MAP4K3: variants seen among roughly 807,000 people sequenced by gnomAD.
The protein encoded by MAP4K3 is mitogen-activated protein kinase kinase kinase kinase 3.
MAP4K3 carries 94 observed loss-of-function variants against 143.5 expected under a neutral mutation model. The observed-to-expected ratio is 0.65, with a 90% CI of 0.55 to 0.78. The LOEUF (loss-of-function observed/expected upper bound fraction) is 0.78. Ranked by LOEUF, MAP4K3 falls within the 30% of genes least tolerant of loss-of-function variation. The pLI is 0.00. For missense variants in MAP4K3, 1,077 were observed against 1,068.1 expected, an observed-to-expected ratio of 1.01 and a Z score of -0.12; for synonymous variants, 416 against 347.2, an observed-to-expected ratio of 1.20 and a Z score of -2.20.
chr2:39,416,750 C>A (rs1339978387), intron 1 of MAP4K3, among the ~76,000 whole-genome samples: 2 of 152,174 alleles, frequency 1.3e-5, no homozygotes, highest in Non-Finnish European at 2.9e-5. Flanking sequence ...TCTTCCTTAG[C>A]ATAAAAAAGA....
At chr2:39,375,421 A>T (rs924139342) in intron 2 of MAP4K3, among the ~76,000 whole-genome samples, 6 of 152,234 alleles carry the variant, frequency 3.9e-5, no homozygotes, top group African/African-American at 1.2e-4. Context: ...CAAGGCAATC[A>T]GCAAAATCTG....
intron 3 of MAP4K3, among the ~76,000 whole-genome samples, chr2:39,355,019 G>A (rs1159277528): frequency 1.3e-5 from 2 of 152,162 alleles, no homozygotes; most frequent in East Asian, 1.9e-4. Flanking sequence ...TTTGAGCTCA[G>A]GAATTTGAGA....
chr2:39,374,125 T>C (rs1247159750), intron 2 of MAP4K3, among the ~76,000 whole-genome samples: 1 of 152,182 alleles, frequency 6.6e-6, no homozygotes, highest in Non-Finnish European at 1.5e-5. Flanking sequence ...CTCACATCTG[T>C]AATCCCAGTA....
At chr2:39,433,419 A>G (rs769841830) in intron 1 of MAP4K3, among the ~76,000 whole-genome samples, 2 of 152,218 alleles carry the variant, frequency 1.3e-5, no homozygotes, top group Non-Finnish European at 2.9e-5. Context: ...TAAGGACATC[A>G]AGACTTAAAG....
At chr2:39,309,570 T>TA (rs1468640268) in intron 13 of MAP4K3, 51 bp from the exon 14 acceptor site, 1 of 1,228,956 alleles carries the variant, frequency 8.1e-7, no homozygotes, top group Non-Finnish European at 1.1e-6. Flanking sequence ...TTTTTTTTTT[T>TA]TTTTTGAGGC....
At chr2:39,293,416 G>A (rs940661086) in intron 16 of MAP4K3, 148 bp from the exon 17 acceptor site, 14 of 582,930 alleles carry the variant, frequency 2.4e-5, no homozygotes, top group East Asian at 6.2e-5. Flanking sequence ...GATCACCTCT[G>A]CAACCATAAA....
At chr2:39,372,638 T>A (rs1666114442) in intron 2 of MAP4K3, among the ~76,000 whole-genome samples, 1 of 151,926 alleles carries the variant, frequency 6.6e-6, no homozygotes, top group Admixed American at 6.6e-5. Context: ...AATCCAGACA[T>A]GTACAGTGAA....
chr2:39,296,647 A>G (rs1481171115), intron 16 of MAP4K3, among the ~76,000 whole-genome samples: 2 of 152,234 alleles, frequency 1.3e-5, no homozygotes, highest in African/African-American at 4.8e-5. Flanking sequence ...AAAATTGTCT[A>G]ACTGCCCCCA....
At chr2:39,285,920 C>T (rs1488843049) in intron 21 of MAP4K3, among the ~76,000 whole-genome samples, 1 of 152,156 alleles carries the variant, frequency 6.6e-6, no homozygotes, top group Non-Finnish European at 1.5e-5. Flanking sequence ...TGTTTCATCT[C>T]TTATGATCCC....
chr2:39,380,532 G>A (rs1009136567), intron 1 of MAP4K3, among the ~76,000 whole-genome samples: 10 of 151,980 alleles, frequency 6.6e-5, no homozygotes, highest in African/African-American at 1.4e-4. Context: ...ATATTAGCAC[G>A]TATAAAGTTA....
chr2:39,422,658 G>A (rs1667579475), intron 1 of MAP4K3, among the ~76,000 whole-genome samples: 1 of 152,158 alleles, frequency 6.6e-6, no homozygotes, highest in South Asian at 2.1e-4. Flanking sequence ...GTGATCCAAT[G>A]GGAAAAGGAC....
chr2:39,254,678 A>C (rs1680280082), intron 31 of MAP4K3, among the ~76,000 whole-genome samples, 158 bp from the exon 32 acceptor site: 1 of 152,220 alleles, frequency 6.6e-6, no homozygotes, highest in Non-Finnish European at 1.5e-5. Context: ...AAGTTTAAAA[A>C]TATACTATAC....
chr2:39,302,436 C>G (rs182439882), intron 15 of MAP4K3, among the ~76,000 whole-genome samples: 1 of 152,056 alleles, frequency 6.6e-6, no homozygotes, highest in African/African-American at 2.4e-5. Flanking sequence ...GGAATTCATA[C>G]AGAAAATCGG....
chr2:39,324,763 G>C (rs1683431992), intron 12 of MAP4K3, among the ~76,000 whole-genome samples: 1 of 152,066 alleles, frequency 6.6e-6, no homozygotes, highest in Non-Finnish European at 1.5e-5. Context: ...AATTTATCTT[G>C]GTTGCCACAA....
At chr2:39,316,193 T>G (rs1344752296) in intron 12 of MAP4K3, among the ~76,000 whole-genome samples, 1 of 152,140 alleles carries the variant, frequency 6.6e-6, no homozygotes, top group African/African-American at 2.4e-5. Flanking sequence ...CACCTTGAAA[T>G]TATTTACAGA....
At chr2:39,306,758 C>T (rs1009525937) in intron 15 of MAP4K3, among the ~76,000 whole-genome samples, 1 of 152,320 alleles carries the variant, frequency 6.6e-6, no homozygotes, top group Non-Finnish European at 1.5e-5. Context: ...CATCTGGTCC[C>T]TTTTCTTCCT....
chr2:39,300,208 A>G (rs1682453899), intron 15 of MAP4K3, among the ~76,000 whole-genome samples: 1 of 152,228 alleles, frequency 6.6e-6, no homozygotes, highest in Non-Finnish European at 1.5e-5. Flanking sequence ...AATTACGTAT[A>G]TAAACACTTT....
chr2:39,381,641 G>C (rs6721049), intron 1 of MAP4K3, among the ~76,000 whole-genome samples: 128,763 of 152,094 alleles, frequency 0.85, 58,378 homozygotes, highest in Non-Finnish European at 1. Flanking sequence ...TCTATAATCT[G>C]AGTGAATTTT....
intron 23 of MAP4K3, among the ~76,000 whole-genome samples, chr2:39,279,305 A>G (rs2148463579): frequency 6.6e-6 from 1 of 152,290 alleles, no homozygotes; most frequent in East Asian, 1.9e-4. Context: ...ATGGCATAAG[A>G]TTTGTGGTCA....
Sources: gnomAD v4.1 joint callset for allele counts (sites outside exome capture counted in the v4.1 genomes callset) on GRCh38, gnomAD v4.1.1 for gene constraint, MANE v1.5 for transcripts, NCBI Gene and HGNC (gene_info 2026-07-23, HGNC 2026-07-21) for gene names.